Variants in NBEA observed in about 807,000 individuals in gnomAD.
NBEA encodes neurobeachin.
NBEA carries 44 observed loss-of-function variants against 343.4 expected under a neutral mutation model. The observed-to-expected ratio is 0.13, with a 90% CI of 0.10 to 0.16. The LOEUF is 0.16. Among genes scored for constraint, NBEA ranks in the 10% least tolerant of loss-of-function variants. The probability of loss-of-function intolerance (pLI) is 1.00; values close to 1 mark genes in which losing one functional copy is unlikely to be tolerated. For missense variants in NBEA, 2,555 were observed against 3,631.3 expected, an observed-to-expected ratio of 0.70 and a Z score of 7.62; for synonymous variants, 1,175 against 1,238.7, an observed-to-expected ratio of 0.95 and a Z score of 1.08.
Position 35,171,472 on chromosome 13 carries a change from A to G in NBEA, c.4423+20A>G, listed in dbSNP as rs762744490. 7 of 1,583,046 alleles carry G rather than the reference A, an allele frequency of 4.4e-6. No individual in the cohort carries two copies. The South Asian group carries it at 5.7e-5, about 13-fold the overall frequency. On this transcript the variant is annotated intron_variant, in intron 26 of 58. Transcript: ENST00000379939. The stretch of plus-strand genomic sequence containing the variant: ...GATTAGGTAAGTCTGTTAAAACAAT[A>G]GTGCATGTCAAATAATTATCTACAG...
At chr13:35,056,848 A>G (rs1488057151) in intron 7 of NBEA, among the ~76,000 whole-genome samples, 1 of 152,166 alleles carries the variant, frequency 6.6e-6, no homozygotes, top group Non-Finnish European at 1.5e-5. Flanking sequence ...GTGTGCTTCT[A>G]TTTTAAAACC....
intron 38 of NBEA, among the ~76,000 whole-genome samples, chr13:35,363,910 G>T (rs117470871): frequency 1.8e-3 from 271 of 151,992 alleles, no homozygotes; most frequent in Admixed American, 2.8e-3. Context: ...AAAGAATCAG[G>T]AATGTTGCTG....
chr13:35,114,418 C>T (rs780071957), intron 13 of NBEA, among the ~76,000 whole-genome samples: 18 of 152,144 alleles, frequency 1.2e-4, no homozygotes, highest in Non-Finnish European at 1.5e-4. Flanking sequence ...TTGATACACA[C>T]GGCATAACCT....
At chr13:35,230,347 A>G (rs1442721088) in intron 33 of NBEA, among the ~76,000 whole-genome samples, 1 of 152,114 alleles carries the variant, frequency 6.6e-6, no homozygotes. Flanking sequence ...TAGGGGAGAA[A>G]GTTCTCAACC....
chr13:35,109,019 C>A (rs1267430174), intron 11 of NBEA, among the ~76,000 whole-genome samples: 2 of 152,040 alleles, frequency 1.3e-5, no homozygotes, highest in Non-Finnish European at 1.5e-5. Flanking sequence ...TATAACATTT[C>A]ATTTCTTTAG....
intron 1 of NBEA, among the ~76,000 whole-genome samples, chr13:34,993,365 T>C (rs2060828888): frequency 6.6e-6 from 1 of 152,216 alleles, no homozygotes; most frequent in Admixed American, 6.5e-5. Context: ...TGAATATCTG[T>C]TTAACCTTGC....
chr13:35,463,619 C>CA lies in NBEA; in HGVS notation c.6449-8772dup, dbSNP rs201785899. ...TGGGTGACACAGTGAGACTCCGTCG[C>CA]AAAAAAAAACAAACCAGAAAAAGTT... is the stretch of plus-strand genomic sequence containing the variant. On this transcript the variant is annotated intron_variant, in intron 40 of 58. Coordinates refer to ENST00000379939, the MANE Select transcript of NBEA (RefSeq NM_001385012.1). Among the ~76,000 whole-genome samples the CA allele has an allele frequency of 3.1e-4, 45 of 146,554 alleles. No individual in the cohort carries two copies. The East Asian group carries it at 5.3e-3, about 17-fold the overall frequency.
chr13:35,287,627 G>A (rs539424568), intron 34 of NBEA, among the ~76,000 whole-genome samples: 1 of 151,958 alleles, frequency 6.6e-6, no homozygotes, highest in East Asian at 1.9e-4. Flanking sequence ...CCCCTTGTCT[G>A]ACCACAATAA....
intron 36 of NBEA, among the ~76,000 whole-genome samples, chr13:35,339,160 T>G (rs2039438613): frequency 6.6e-6 from 1 of 151,874 alleles, no homozygotes; most frequent in Admixed American, 6.6e-5. Context: ...GTGTAGTTAA[T>G]TAAGAAAACA....
intron 39 of NBEA, among the ~76,000 whole-genome samples, chr13:35,440,528 T>C (rs999814875): frequency 1.1e-4 from 17 of 152,256 alleles, no homozygotes; most frequent in Middle Eastern, 3.4e-3. Context: ...ATGGAAGTCT[T>C]CCCAAGCCAA....
At chr13:35,634,041 T>C (rs1406975711) in intron 49 of NBEA, among the ~76,000 whole-genome samples, 4 of 152,102 alleles carry the variant, frequency 2.6e-5, no homozygotes, top group African/African-American at 4.8e-5. Flanking sequence ...TTATCCTTTA[T>C]ATTTTTAAAA....
intron 55 of NBEA, among the ~76,000 whole-genome samples, chr13:35,661,517 C>A (rs1208365205): frequency 6.6e-6 from 1 of 152,150 alleles, no homozygotes; most frequent in Non-Finnish European, 1.5e-5. Flanking sequence ...TTGACATTTT[C>A]CAACCCACAG....
intron 1 of NBEA, among the ~76,000 whole-genome samples, chr13:34,999,537 CT>C (rs1566143555): frequency 6.6e-6 from 1 of 152,086 alleles, no homozygotes; most frequent in Non-Finnish European, 1.5e-5. Flanking sequence ...AGTGTTCTCA[CT>C]TTGAAATCTG....
At chr13:35,205,022 A>G (rs2073290626) in intron 31 of NBEA, among the ~76,000 whole-genome samples, 1 of 152,172 alleles carries the variant, frequency 6.6e-6, no homozygotes, top group Admixed American at 6.6e-5. Context: ...TAACATTTTA[A>G]AAGATAATTA....
At chr13:35,167,602 GT>G in intron 24 of NBEA, among the ~76,000 whole-genome samples, 1 of 151,870 alleles carries the variant, frequency 6.6e-6, no homozygotes, top group African/African-American at 2.4e-5. Context: ...AGATCTCCGA[GT>G]TAGACCAATA....
chr13:35,442,955 G>C (rs1056533978), intron 39 of NBEA, among the ~76,000 whole-genome samples: 1 of 152,036 alleles, frequency 6.6e-6, no homozygotes, highest in Non-Finnish European at 1.5e-5. Flanking sequence ...CGTTAGTATT[G>C]ATCCAATTCT....
At chr13:35,080,987 C>T (rs1309741891) in intron 10 of NBEA, among the ~76,000 whole-genome samples, 2 of 152,128 alleles carry the variant, frequency 1.3e-5, no homozygotes, top group African/African-American at 2.4e-5. Context: ...TGGCATTCAT[C>T]ATCCCAAGTT....
At chr13:35,108,055 G>A (rs778292431) in intron 11 of NBEA, among the ~76,000 whole-genome samples, 2 of 152,040 alleles carry the variant, frequency 1.3e-5, no homozygotes, top group Non-Finnish European at 2.9e-5. Context: ...TCCTTATTAT[G>A]AGCATGAAAA....
chr13:35,641,614 T>G (rs2083952426), intron 49 of NBEA, among the ~76,000 whole-genome samples: 1 of 152,028 alleles, frequency 6.6e-6, no homozygotes, highest in Non-Finnish European at 1.5e-5. Context: ...AATTCAAGAA[T>G]AAAAAATAAT....
Sources: allele counts gnomAD v4.1 joint callset (sites outside exome capture counted in the v4.1 genomes callset), GRCh38; gene constraint gnomAD v4.1.1; transcripts MANE v1.5; gene names NCBI Gene and HGNC (gene_info 2026-07-23, HGNC 2026-07-21).